PCDHGA6: variants seen among roughly 807,000 people sequenced by gnomAD.
The protein encoded by PCDHGA6 is protocadherin gamma subfamily A, 6, also known as protocadherin gamma-A6.
Under a neutral mutation model 60.6 loss-of-function variants are expected in PCDHGA6, and 41 were observed. That is an observed-to-expected ratio of 0.68 (90% CI 0.53 to 0.88). The LOEUF is 0.88. Ranked by LOEUF, PCDHGA6 falls within the 40% of genes least tolerant of loss-of-function variation. PCDHGA6 has a pLI of 0.00. For missense variants in PCDHGA6, 1,312 were observed against 1,203.0 expected (o/e 1.09, Z -1.34); for synonymous variants, 594 against 524.4 (o/e 1.13, Z -1.81).
Position 141,485,519 on chromosome 5 carries a change from A to T in PCDHGA6, c.2425-9288A>T. ...GTTTGTCACCGAAGGTCCTTTGGAA[A>T]TGTACCGAGCAGAGGTAGAGATCGT... On this transcript the variant is annotated intron_variant, in intron 1 of 3. Transcript: ENST00000517434. The surrounding 1 kb of genome is among the most constrained non-coding windows in gnomAD (Gnocchi z 5.7). The T allele has an allele frequency of 6.2e-7, 1 of 1,614,150 alleles. No individual in the cohort carries two copies. The highest frequency in any genetic ancestry group is 8.5e-7 in the Non-Finnish European group (1 of 1,180,018).
rs1230717990 is a variant in PCDHGA6, at chr5:141,431,707, G to A, written c.2424+55200G>A. The A allele has an allele frequency of 6.2e-7, 1 of 1,614,232 alleles. No homozygotes were observed. Among genetic ancestry groups the A allele is most frequent in the South Asian group, 1.1e-5 (1 of 91,088 alleles). On this transcript the variant is annotated intron_variant, in intron 1 of 3. Coordinates refer to ENST00000517434, the MANE Select transcript of PCDHGA6 (RefSeq NM_018919.3). This position sits in a 1 kb window ranked among gnomAD's most constrained non-coding sequence, Gnocchi z 4.8. ...ACCACGAGGAGTCAGGATTCTACCAGATGGAAGTGCAAGCAATGGATAATG... is the reference window on the plus strand; with the variant it reads ...ACCACGAGGAGTCAGGATTCTACCAAATGGAAGTGCAAGCAATGGATAATG...
chr5:141,415,843 G>T (rs1022622333), intron 1 of PCDHGA6: 36 of 1,251,418 alleles, frequency 2.9e-5, no homozygotes, highest in Non-Finnish European at 3.6e-5. Flanking sequence ...GATTAGCTTT[G>T]CAGAACCTTG....
At position 141,491,681 on chromosome 5, in the gene PCDHGA6, C is replaced by T; in HGVS notation, c.2425-3126C>T. 6.2e-6 allele frequency: 10 copies of T among 1,613,458 alleles called. No homozygotes were observed. Among genetic ancestry groups the T allele is most frequent in the Non-Finnish European group, 8.5e-6 (10 of 1,179,804 alleles). On this transcript the variant is annotated intron_variant, in intron 1 of 3. Transcript: ENST00000517434. The surrounding 1 kb of genome is among the most constrained non-coding windows in gnomAD (Gnocchi z 6.9). ...GACGCCATCCGGTCCCGCTCTAATA[C>T]GCTGCGGGAGCGGAGCCAGGTGAGG...
rs766168062 is a variant in PCDHGA6, at chr5:141,491,124, G to A, written c.2425-3683G>A. ...TCGTGTCTACACACACTGGTGAGGT[G>A]CGCACAGCCCGGGCCTTACTGGAGG... On this transcript the variant is annotated intron_variant, in intron 1 of 3. Transcript: ENST00000517434. The surrounding 1 kb of genome is among the most constrained non-coding windows in gnomAD (Gnocchi z 6.9). 22 of 1,614,092 alleles carry A rather than the reference G, an allele frequency of 1.4e-5. No individual in the cohort carries two copies. The highest frequency in any genetic ancestry group is 3.3e-5 in the Admixed American group (2 of 60,004).
rs2098995125 is a variant in PCDHGA6 at position 141,460,673 on chromosome 5, A to G, written c.2425-34134A>G. 2.6e-5 allele frequency among the ~76,000 whole-genome samples: 4 copies of G among 152,244 alleles called. No homozygotes were observed. The South Asian group carries it at 8.3e-4, about 32-fold the overall frequency. On this transcript the variant is annotated intron_variant, in intron 1 of 3. Coordinates refer to ENST00000517434, the MANE Select transcript of PCDHGA6 (RefSeq NM_018919.3). ...CATATGTAACTGTAAACACAGTTAT[A>G]TATCTATATATCCACCAACAGTTGA... is the stretch of plus-strand genomic sequence containing the variant.
intron 1 of PCDHGA6, chr5:141,399,490 G>A (rs750081604): frequency 1.1e-5 from 17 of 1,614,036 alleles, no homozygotes; most frequent in Non-Finnish European, 1.4e-5. Flanking sequence ...GTCCTACTTA[G>A]TCAGTGTACC....
chr5:141,389,607 A>G, intron 1 of PCDHGA6: 1 of 1,613,070 alleles, frequency 6.2e-7, no homozygotes, highest in Non-Finnish European at 8.5e-7. Context: ...GCTCTTCGAT[A>G]TGGTGCCGCA....
In PCDHGA6 at chr5:141,374,601, G is replaced by A. The variant is rs772584663; in HGVS notation, c.518G>A (p.Ser173Asn). Residue 173 changes from serine to asparagine, a missense_variant, in exon 1 of 4, where the codon AGT (serine) becomes AAT (asparagine). By Grantham distance (46) the Ser-to-Asn change is conservative (BLOSUM62 1). Coordinates refer to ENST00000517434, the MANE Select transcript of PCDHGA6 (RefSeq NM_018919.3). Reference sequence around the variant, plus strand: ...AACTCCCTTCAGGGATTTAAGCTCAGTGGTAATAGTCACTTCTCAGTGGAC... The same window carrying A: ...AACTCCCTTCAGGGATTTAAGCTCAATGGTAATAGTCACTTCTCAGTGGAC... ...GMNSLQGFKL[S>N]GNSHFSVDVQ... 6.2e-7 allele frequency: 1 copy of A among 1,613,676 alleles called. No individual in the cohort carries two copies. The highest frequency in any genetic ancestry group is 1.6e-4 in the Middle Eastern group (1 of 6,062).
intron 1 of PCDHGA6, among the ~76,000 whole-genome samples, chr5:141,434,225 G>A (rs1591320318): frequency 6.6e-6 from 1 of 152,146 alleles, no homozygotes; most frequent in African/African-American, 2.4e-5. Flanking sequence ...AACAAAGTAC[G>A]ATTTCTGGAC....
In PCDHGA6 at chr5:141,489,750, C is replaced by A. The variant is rs753217170; in HGVS notation, c.2425-5057C>A. 1 of 1,614,098 alleles carries A rather than the reference C, an allele frequency of 6.2e-7. No individual in the cohort carries two copies. The highest frequency in any genetic ancestry group is 1.1e-5 in the South Asian group (1 of 91,080). Reference sequence around the variant, plus strand: ...TGGGCACCAATACTGTGAGCTTTTACACTCTAAGCCCCAACAGCCACTTCT... The same window carrying A: ...TGGGCACCAATACTGTGAGCTTTTAAACTCTAAGCCCCAACAGCCACTTCT... On this transcript the variant is annotated intron_variant, in intron 1 of 3. Coordinates refer to ENST00000517434, the MANE Select transcript of PCDHGA6 (RefSeq NM_018919.3). This position sits in a 1 kb window ranked among gnomAD's most constrained non-coding sequence, Gnocchi z 4.5.
chr5:141,510,272 TA>T (rs546154379), intron 3 of PCDHGA6, among the ~76,000 whole-genome samples: 4,704 of 130,308 alleles, frequency 0.036, 80 homozygotes, highest in South Asian at 0.057. Flanking sequence ...GACTCCATCT[TA>T]AAAAAAAAAA....
chr5:141,394,081 T>C, intron 1 of PCDHGA6: 3 of 1,613,892 alleles, frequency 1.9e-6, no homozygotes, highest in Non-Finnish European at 2.5e-6. Context: ...ATCACAGTGA[T>C]GGCCTCAGAT....
At chr5:141,413,677 G>C (rs539552615) in intron 1 of PCDHGA6, 1 of 1,613,794 alleles carries the variant, frequency 6.2e-7, no homozygotes, top group South Asian at 1.1e-5. Context: ...GGATGTGGGC[G>C]TGAACTCCCT....
At chr5:141,400,143 T>C (rs2093969868) in intron 1 of PCDHGA6, 2 of 1,613,986 alleles carry the variant, frequency 1.2e-6, no homozygotes, top group Admixed American at 3.3e-5. Flanking sequence ...CGGATATCAC[T>C]GACCGCCCTG....
rs1008039711 is a variant in PCDHGA6 at position 141,394,856 on chromosome 5, G to C, written c.2424+18349G>C. 4 of 1,613,674 alleles carry C rather than the reference G, an allele frequency of 2.5e-6. No individual in the cohort carries two copies. In the African/African-American group the frequency reaches 5.3e-5, roughly 22 times the overall value. On this transcript the variant is annotated intron_variant, in intron 1 of 3. Coordinates refer to ENST00000517434, the MANE Select transcript of PCDHGA6 (RefSeq NM_018919.3). ...CCGAGTTGGGCAGTCTGAAGCCTTC[G>C]GTCGACCCGAACGATTCGAGCCTTA... is the stretch of plus-strand genomic sequence containing the variant.
intron 1 of PCDHGA6, chr5:141,441,801 G>A (rs954094882): frequency 7.8e-6 from 3 of 384,492 alleles, no homozygotes; most frequent in African/African-American, 4.4e-5. Flanking sequence ...CGCACCGCGG[G>A]TGCTGTACCC....
At position 141,486,804 on chromosome 5, in the gene PCDHGA6, C is replaced by G. The variant is rs755001457; in HGVS notation, c.2425-8003C>G. On this transcript the variant is annotated intron_variant, in intron 1 of 3. Transcript: ENST00000517434. This position sits in a 1 kb window ranked among gnomAD's most constrained non-coding sequence, Gnocchi z 5.0. ...CAGGCCCGGGATCGGGGCAACCCAC[C>G]CCTTAGCAGCACTGTAACAGTTCGT... 2 of 1,614,232 alleles carry G rather than the reference C, an allele frequency of 1.2e-6. No homozygotes were observed. The highest frequency in any genetic ancestry group is 3.3e-5 in the Admixed American group (2 of 60,032).
At position 141,477,855 on chromosome 5, in the gene PCDHGA6, T is replaced by C; in HGVS notation, c.2425-16952T>C. The C allele has an allele frequency of 1.2e-6, 2 of 1,613,698 alleles. No individual in the cohort carries two copies. The highest frequency in any genetic ancestry group is 1.7e-6 in the Non-Finnish European group (2 of 1,179,882). On this transcript the variant is annotated intron_variant, in intron 1 of 3. Coordinates refer to ENST00000517434, the MANE Select transcript of PCDHGA6 (RefSeq NM_018919.3). The surrounding 1 kb of genome is among the most constrained non-coding windows in gnomAD (Gnocchi z 4.9). ...CCAGGTGGGAGCTCGGTGGAGATGC[T>C]GCCTCGAGGTACCTCAGCTGGCCAC...
chr5:141,441,852 G>T (rs1169073404), intron 1 of PCDHGA6: 2 of 352,708 alleles, frequency 5.7e-6, no homozygotes, highest in African/African-American at 2.2e-5. Flanking sequence ...TGGATATGGT[G>T]CTGCACGCCG....
Sources: allele counts gnomAD v4.1 joint callset (sites outside exome capture counted in the v4.1 genomes callset), GRCh38; gene constraint gnomAD v4.1.1; non-coding constraint Gnocchi (gnomAD v3.1); transcripts MANE v1.5; gene names NCBI Gene and HGNC (gene_info 2026-07-23, HGNC 2026-07-21).